The following SYCP1 variants were observed in gnomAD, a reference collection of about 807,000 sequenced individuals.
SYCP1 encodes synaptonemal complex protein 1, also known as cancer/testis antigen 8.
SYCP1 carries 64 observed loss-of-function variants against 153.1 expected under a neutral mutation model. That is an observed-to-expected ratio of 0.42 (90% CI 0.34 to 0.51). The LOEUF is 0.51. Among genes scored for constraint, SYCP1 ranks in the 20% least tolerant of loss-of-function variants. SYCP1 has a pLI of 0.06. For synonymous variants in SYCP1, 384 were observed against 341.8 expected (o/e 1.12, Z -1.36); for missense variants, 997 against 1,049.0 (o/e 0.95, Z 0.68).
intron 20 of SYCP1, among the ~76,000 whole-genome samples, chr1:114,914,937 A>G (rs1668420858): frequency 6.6e-6 from 1 of 152,158 alleles, no homozygotes; most frequent in South Asian, 2.1e-4. Flanking sequence ...ACACATGCAC[A>G]CACACAGCAT....
At chr1:114,954,210 G>A (rs1340999049) in intron 27 of SYCP1, among the ~76,000 whole-genome samples, 1 of 151,940 alleles carries the variant, frequency 6.6e-6, no homozygotes. Context: ...TCATTTTTTT[G>A]ACGTGAGAAC....
At chr1:114,901,244 T>A (rs1292957135) in intron 16 of SYCP1, among the ~76,000 whole-genome samples, 1 of 151,664 alleles carries the variant, frequency 6.6e-6, no homozygotes, top group Non-Finnish European at 1.5e-5. Context: ...TCGAGAAAAA[T>A]AATTTAGTCA....
chr1:114,878,184 C>A lies in SYCP1; in HGVS notation c.892C>A (p.Gln298Lys), dbSNP rs369276701. ...LLEESRDKVN[Q>K]LEEKTKLQSE... ...AGAGGAATCCAGAGATAAAGTTAAT[C>A]AATTAGAGGAAAAGACAAGTAAGAG... Residue 298 changes from glutamine to lysine, a missense_variant, in exon 12 of 32, where the codon CAA becomes AAA. Coordinates refer to ENST00000369522, the MANE Select transcript of SYCP1 (RefSeq NM_003176.4). 1.9e-6 allele frequency: 3 copies of A among 1,552,908 alleles called. No homozygotes were observed. Among genetic ancestry groups the A allele is most frequent in the South Asian group, 2.3e-5 (2 of 87,426 alleles).
chr1:114,944,315 C>A, intron 23 of SYCP1, 24 bp from the exon 24 acceptor site: 2 of 1,262,288 alleles, frequency 1.6e-6, no homozygotes, highest in Non-Finnish European at 2.3e-6. Context: ...TACTAATATT[C>A]ATGCTATTTT....
intron 1 of SYCP1, 196 bp from the exon 2 acceptor site, chr1:114,855,245 G>T: frequency 3.3e-6 from 1 of 299,788 alleles, no homozygotes; most frequent in Non-Finnish European, 6.2e-6. Flanking sequence ...GCGAAAGGGA[G>T]AAGGAAACGA....
intron 11 of SYCP1, 39 bp downstream of exon 11, chr1:114,876,849 G>T: frequency 8.5e-7 from 1 of 1,171,444 alleles, no homozygotes; most frequent in South Asian, 2.5e-5. Context: ...CTTTATATTT[G>T]CTAATTCATT....
In SYCP1 at chr1:114,989,851, A is replaced by G. The variant is rs182598670; in HGVS notation, c.2704-4847A>G. Among the ~76,000 whole-genome samples, 833 of 152,148 alleles carry G rather than the reference A, an allele frequency of 5.5e-3. 16 individuals are homozygous for G. Among genetic ancestry groups the G allele is most frequent in the Non-Finnish European group, 5.4e-3 (369 of 67,928 alleles). ...GCCTAATAACAGACCTTCTAAATAT[A>G]TGAAGCAAAACTTCATAGAATTGAA... On this transcript the variant is annotated intron_variant, in intron 30 of 31. Coordinates refer to ENST00000369522, the MANE Select transcript of SYCP1 (RefSeq NM_003176.4).
intron 27 of SYCP1, among the ~76,000 whole-genome samples, chr1:114,976,288 A>G (rs1672788538): frequency 6.6e-6 from 1 of 151,640 alleles, no homozygotes; most frequent in South Asian, 2.1e-4. Flanking sequence ...GTCATTCTCT[A>G]CTCTGGTGAT....
chr1:114,981,586 C>A, intron 29 of SYCP1, 74 bp downstream of exon 29: 2 of 1,330,862 alleles, frequency 1.5e-6, no homozygotes, highest in Non-Finnish European at 2.1e-6. Flanking sequence ...CACCATATAT[C>A]TGGCATCACG....
chr1:114,956,124 G>A (rs996495602), intron 27 of SYCP1, among the ~76,000 whole-genome samples: 1 of 152,176 alleles, frequency 6.6e-6, no homozygotes, highest in African/African-American at 2.4e-5. Flanking sequence ...AAGCCATCCT[G>A]AATAGGATCA....
chr1:114,950,923 C>G (rs1288413085), intron 27 of SYCP1, among the ~76,000 whole-genome samples: 1 of 151,378 alleles, frequency 6.6e-6, no homozygotes, highest in Admixed American at 6.6e-5. Context: ...CTCCCGGGTT[C>G]ACGCCATTCT....
chr1:114,875,261 CT>C lies in SYCP1; in HGVS notation c.657+716del, dbSNP rs561059800. Among the ~76,000 whole-genome samples, 691 of 112,010 alleles carry C rather than the reference CT, an allele frequency of 6.2e-3. 4 individuals are homozygous for C. The highest frequency in any genetic ancestry group is 0.02 in the East Asian group (83 of 4,100). 73.5% of individuals were successfully genotyped at this position (112,010 alleles called of 152,430 possible). A position where few individuals can be genotyped will look rare whatever the true frequency, so the allele number is the denominator to read the frequency against. On this transcript the variant is annotated intron_variant, in intron 9 of 31. Transcript: ENST00000369522. ...TCCAGTAGGGTAGAGACTTTGTCTT[CT>C]TTTTTTTTTTTTTTTTTTGAGACAG...
intron 23 of SYCP1, among the ~76,000 whole-genome samples, chr1:114,931,608 T>C (rs1669640282): frequency 6.6e-6 from 1 of 152,136 alleles, no homozygotes; most frequent in African/African-American, 2.4e-5. Flanking sequence ...ATATGTACCA[T>C]ATTCACTGAT....
intron 27 of SYCP1, among the ~76,000 whole-genome samples, chr1:114,968,590 G>C (rs1052342696): frequency 5.3e-5 from 8 of 152,040 alleles, no homozygotes; most frequent in Non-Finnish European, 1.2e-4. Context: ...CTTTTATCAA[G>C]GTTCTTAGCT....
chr1:114,912,959 A>G (rs1203191609), intron 18 of SYCP1, 74 bp from the exon 19 acceptor site: 3 of 1,009,046 alleles, frequency 3.0e-6, no homozygotes, highest in African/African-American at 1.7e-5. Flanking sequence ...CCCTATCATT[A>G]TGTTGAATAA....
intron 27 of SYCP1, among the ~76,000 whole-genome samples, chr1:114,949,178 C>G (rs1670934518): frequency 6.6e-6 from 1 of 152,118 alleles, no homozygotes; most frequent in Admixed American, 6.5e-5. Context: ...TGTGTTTGCG[C>G]AATGGGGCAT....
At chr1:114,939,119 GCAACATTATTCA>G (rs1670227581) in intron 23 of SYCP1, among the ~76,000 whole-genome samples, 1 of 152,138 alleles carries the variant, frequency 6.6e-6, no homozygotes, top group African/African-American at 2.4e-5. Flanking sequence ...TATGTTCATA[GCAACATTATTCA>G]CAATAGCCAA....
At position 114,888,687 on chromosome 1, in the gene SYCP1, A is replaced by T. The variant is rs181247854; in HGVS notation, c.1258+994A>T. On this transcript the variant is annotated intron_variant, in intron 15 of 31. Transcript: ENST00000369522. Reference sequence around the variant, plus strand: ...ATAAAATAGTGTTTTAAATCATTATATATACCTATACTTACTTTTTAAAAA... The same window carrying T: ...ATAAAATAGTGTTTTAAATCATTATTTATACCTATACTTACTTTTTAAAAA... Among the ~76,000 whole-genome samples, 7 of 152,180 alleles carry T rather than the reference A, an allele frequency of 4.6e-5. No homozygotes were observed. In the East Asian group the frequency reaches 1.4e-3, roughly 29 times the overall value.
chr1:114,876,202 T>C, intron 10 of SYCP1, 64 bp downstream of exon 10: 2 of 1,100,768 alleles, frequency 1.8e-6, no homozygotes, highest in Non-Finnish European at 2.6e-6. Context: ...TTTATCAGAT[T>C]CCGTTAATGT....
Sources: gnomAD v4.1 joint callset for allele counts (sites outside exome capture counted in the v4.1 genomes callset) on GRCh38, gnomAD v4.1.1 for gene constraint, MANE v1.5 for transcripts, NCBI Gene and HGNC (gene_info 2026-07-23, HGNC 2026-07-21) for gene names.